The following LIMCH1 variants were observed in gnomAD, a reference collection of about 807,000 sequenced individuals.
The protein encoded by LIMCH1 is LIM and calponin homology domains 1.
In LIMCH1, 113 loss-of-function variants were observed where a neutral mutation model predicts 176.5. That is an observed-to-expected ratio of 0.64 (90% CI 0.55 to 0.75). The LOEUF is 0.75. LIMCH1 is among the 30% of genes least tolerant of loss of function. LIMCH1 has a pLI of 0.00. For missense variants in LIMCH1, 1,674 were observed against 1,814.9 expected (o/e 0.92, Z 1.41); for synonymous variants, 619 against 645.9 (o/e 0.96, Z 0.63).
At chr4:41,485,010 A>G (rs1392753976) in intron 1 of LIMCH1, among the ~76,000 whole-genome samples, 1 of 152,240 alleles carries the variant, frequency 6.6e-6, no homozygotes, top group Admixed American at 6.5e-5. Context: ...CAATTACATA[A>G]TAACAATGGT....
chr4:41,429,680 A>T (rs2061424234), intron 1 of LIMCH1, among the ~76,000 whole-genome samples: 2 of 152,126 alleles, frequency 1.3e-5, no homozygotes, highest in Admixed American at 6.5e-5. Flanking sequence ...TTAAATTTTC[A>T]TTCAGTGTTT....
At chr4:41,436,366 G>A (rs2062079888) in intron 1 of LIMCH1, among the ~76,000 whole-genome samples, 1 of 152,134 alleles carries the variant, frequency 6.6e-6, no homozygotes, top group Non-Finnish European at 1.5e-5. Flanking sequence ...GTGAGCAGTT[G>A]CCCCCACCGA....
At chr4:41,420,064 A>G (rs1561314602) in intron 1 of LIMCH1, among the ~76,000 whole-genome samples, 1 of 151,942 alleles carries the variant, frequency 6.6e-6, no homozygotes, top group South Asian at 2.1e-4. Flanking sequence ...GGGGCCTTCT[A>G]CTCTTAATTG....
chr4:41,523,463 G>T (rs1297467076), intron 2 of LIMCH1, among the ~76,000 whole-genome samples: 10 of 152,142 alleles, frequency 6.6e-5, no homozygotes, highest in Admixed American at 6.5e-4. Context: ...ATTGTAGTTT[G>T]TTGACCTCTC....
rs1293855611 is a variant in LIMCH1, at chr4:41,629,485, T to G, written c.1029-7T>G. 3.3e-6 allele frequency: 5 copies of G among 1,535,700 alleles called. No individual in the cohort carries two copies. In the African/African-American group the frequency reaches 4.1e-5, roughly 13 times the overall value. On this transcript the variant is annotated splice_region_variant and splice_polypyrimidine_tract_variant and intron_variant, in intron 8 of 31. Coordinates refer to ENST00000503057, the MANE Select transcript of LIMCH1 (RefSeq NM_001330672.2). Reference sequence around the variant, plus strand: ...CATTGGTGTGGGGGCCCGGATCAAATGGACAGAAACCAGGGCCACACAGAA... The same window carrying G: ...CATTGGTGTGGGGGCCCGGATCAAAGGGACAGAAACCAGGGCCACACAGAA...
At chr4:41,444,777 G>T (rs758832747) in intron 1 of LIMCH1, among the ~76,000 whole-genome samples, 11 of 152,130 alleles carry the variant, frequency 7.2e-5, no homozygotes, top group Non-Finnish European at 1.5e-4. Flanking sequence ...TAGCTCTTAG[G>T]ATAATCTCTT....
chr4:41,377,549 C>T (rs1014612600), intron 1 of LIMCH1, among the ~76,000 whole-genome samples: 1 of 152,144 alleles, frequency 6.6e-6, no homozygotes, highest in Non-Finnish European at 1.5e-5. Context: ...AACATTCTCC[C>T]TGGGTATTGG....
chr4:41,424,039 C>T (rs968969372), intron 1 of LIMCH1, among the ~76,000 whole-genome samples: 2 of 152,034 alleles, frequency 1.3e-5, no homozygotes, highest in African/African-American at 4.8e-5. Flanking sequence ...CTCCTTCCTG[C>T]CTTTTCTTTC....
intron 1 of LIMCH1, among the ~76,000 whole-genome samples, chr4:41,365,749 C>T (rs530593946): frequency 6.6e-6 from 1 of 152,332 alleles, no homozygotes; most frequent in Admixed American, 6.5e-5. Context: ...TGTTTGTATA[C>T]AAGAGCAGCT....
At chr4:41,528,708 C>T (rs953835994) in intron 3 of LIMCH1, among the ~76,000 whole-genome samples, 1 of 152,044 alleles carries the variant, frequency 6.6e-6, no homozygotes, top group Admixed American at 6.5e-5. Context: ...AAGCCATGCC[C>T]GTGTGTCTTA....
At chr4:41,479,427 G>GT (rs984504658) in intron 1 of LIMCH1, among the ~76,000 whole-genome samples, 7 of 152,072 alleles carry the variant, frequency 4.6e-5, no homozygotes, top group South Asian at 2.1e-4. Flanking sequence ...AAATTTTTTT[G>GT]TTTTTTTATA....
intron 1 of LIMCH1, among the ~76,000 whole-genome samples, chr4:41,585,941 GA>G (rs2086374114): frequency 6.6e-6 from 1 of 152,264 alleles, no homozygotes; most frequent in African/African-American, 2.4e-5. Context: ...AGTTGGATGT[GA>G]TTAGAATACC....
chr4:41,638,445 CTT>C (rs2093688540), intron 13 of LIMCH1, among the ~76,000 whole-genome samples: 2 of 152,220 alleles, frequency 1.3e-5, no homozygotes, highest in South Asian at 4.2e-4. Context: ...CAGAAACACT[CTT>C]TGATGTTATT....
chr4:41,697,355 CT>C lies in LIMCH1; in HGVS notation c.*171del. 1.8e-6 allele frequency: 1 copy of C among 567,664 alleles called. No individual in the cohort carries two copies. Among genetic ancestry groups the C allele is most frequent in the South Asian group, 2.7e-5 (1 of 36,758 alleles). 35.2% of individuals were successfully genotyped at this position (567,664 alleles called of 1,614,324 possible). On this transcript the variant is annotated 3_prime_UTR_variant, in exon 32 of 32. Transcript: ENST00000503057. The stretch of plus-strand genomic sequence containing the variant: ...TCGTAGCACAGTGTTTATGTTTTTC[CT>C]GTTTATTGTTTTGGTTTTTTTTTTT...
chr4:41,400,772 G>C (rs1456164401), intron 1 of LIMCH1, among the ~76,000 whole-genome samples: 1 of 152,172 alleles, frequency 6.6e-6, no homozygotes, highest in African/African-American at 2.4e-5. Flanking sequence ...ATTTTGATGA[G>C]AATATGAGAA....
At chr4:41,467,936 A>G (rs1264068960) in intron 1 of LIMCH1, among the ~76,000 whole-genome samples, 4 of 152,162 alleles carry the variant, frequency 2.6e-5, no homozygotes, top group Non-Finnish European at 4.4e-5. Flanking sequence ...ACAGCGTCAC[A>G]TATCAGAATT....
intron 1 of LIMCH1, among the ~76,000 whole-genome samples, chr4:41,416,958 T>C (rs2059992957): frequency 6.6e-6 from 1 of 152,156 alleles, no homozygotes; most frequent in South Asian, 2.1e-4. Flanking sequence ...CTGCAAAAAA[T>C]ATCTTTACAT....
chr4:41,682,250 C>T, intron 25 of LIMCH1, 83 bp from the exon 26 acceptor site: 1 of 1,003,870 alleles, frequency 1.0e-6, no homozygotes, highest in Non-Finnish European at 1.4e-6. Context: ...TTGAAAAATA[C>T]TTCAAATATC....
At chr4:41,577,055 G>A (rs1379748684) in intron 1 of LIMCH1, among the ~76,000 whole-genome samples, 1 of 151,934 alleles carries the variant, frequency 6.6e-6, no homozygotes, top group Non-Finnish European at 1.5e-5. Flanking sequence ...TCCTATAGGT[G>A]AGCTCCACAG....
Sources: gnomAD v4.1 joint callset for allele counts (sites outside exome capture counted in the v4.1 genomes callset) on GRCh38, gnomAD v4.1.1 for gene constraint, MANE v1.5 for transcripts, NCBI Gene and HGNC (gene_info 2026-07-23, HGNC 2026-07-21) for gene names.